KRR1: variants seen among roughly 807,000 people sequenced by gnomAD.
KRR1 encodes KRR1 small subunit processome component.
Under a neutral mutation model 50.0 loss-of-function variants are expected in KRR1, and 23 were observed. That is an observed-to-expected ratio of 0.46 (90% CI 0.33 to 0.65). The LOEUF is 0.65. Among genes scored for constraint, KRR1 ranks in the 30% least tolerant of loss-of-function variants. The pLI is 0.02. For synonymous variants in KRR1, 133 were observed against 146.3 expected, an observed-to-expected ratio of 0.91 and a Z score of 0.66; for missense variants, 419 against 442.4, an observed-to-expected ratio of 0.95 and a Z score of 0.47.
At position 75,499,546 on chromosome 12, in the gene KRR1, A is replaced by T. The variant is rs2046375626; in HGVS notation, c.*263T>A. On this transcript the variant is annotated 3_prime_UTR_variant, in exon 10 of 10. Transcript: ENST00000229214. ...ATCAAATGCTGGGACATCATTACTA[A>T]CCAATAGCATCAGACACTGGATTTA... 4.7e-6 allele frequency: 1 copy of T among 214,458 alleles called. No individual in the cohort carries two copies. Among genetic ancestry groups the T allele is most frequent in the African/African-American group, 2.3e-5 (1 of 43,466 alleles). The allele number at this position is 214,458 out of a possible 1,614,324, so 13.3% of individuals were successfully genotyped here.
rs753248715 is a variant in KRR1, at chr12:75,501,966, A to C, written c.866T>G (p.Leu289Trp). Residue 289 changes from leucine (L) to tryptophan (W), a missense_variant, in exon 8 of 10, where the codon TTG (leucine) becomes TGG (tryptophan). Leu to Trp is a moderately conservative substitution (Grantham distance 61, BLOSUM62 -2). Coordinates refer to ENST00000229214, the MANE Select transcript of KRR1 (RefSeq NM_007043.7). ...DKELASGEYF[L>W]KANQKKRQKM... Reference sequence around the variant, plus strand: ...CTGCCGCTTCTTCTGATTTGCCTTCAAAAAGTATTCACCACTAGCCAATTC... The same window carrying C: ...CTGCCGCTTCTTCTGATTTGCCTTCCAAAAGTATTCACCACTAGCCAATTC... 1.2e-6 allele frequency: 2 copies of C among 1,612,408 alleles called. No homozygotes were observed. The highest frequency in any genetic ancestry group is 2.2e-5 in the South Asian group (2 of 91,028).
In KRR1 at chr12:75,493,063, C is replaced by T. The variant is rs1218381254; in HGVS notation, c.*6746G>A. ...AGAAAAGTTTGGCAAGTTTAAACCA[C>T]AGAGACTGGTGCCCTCGGTCTGCTA... On this transcript the variant is annotated 3_prime_UTR_variant, in exon 10 of 10. Coordinates refer to ENST00000229214, the MANE Select transcript of KRR1 (RefSeq NM_007043.7). 1 of 152,188 alleles carries T rather than the reference C, an allele frequency of 6.6e-6. No homozygotes were observed. 9.4% of individuals were successfully genotyped at this position (152,188 alleles called of 1,614,324 possible). A position where few individuals can be genotyped will look rare whatever the true frequency, so the allele number is the denominator to read the frequency against.
chr12:75,498,883 C>A lies in KRR1; in HGVS notation c.*926G>T. 6.2e-7 allele frequency: 1 copy of A among 1,610,532 alleles called. No individual in the cohort carries two copies. Among genetic ancestry groups the A allele is most frequent in the Non-Finnish European group, 8.5e-7 (1 of 1,177,032 alleles). ...ATATCCACGTAACAGATACACTTCT[C>A]TCTTTCTCATTGTTAATTCAGTAAT... On this transcript the variant is annotated 3_prime_UTR_variant, in exon 10 of 10. Coordinates refer to ENST00000229214, the MANE Select transcript of KRR1 (RefSeq NM_007043.7).
chr12:75,510,492 A>T (rs1427216101), intron 1 of KRR1, among the ~76,000 whole-genome samples: 1 of 152,236 alleles, frequency 6.6e-6, no homozygotes, highest in Non-Finnish European at 1.5e-5. Context: ...CTGTTTGAAA[A>T]ACAAAAAGCT....
chr12:75,503,908 C>A lies in KRR1; in HGVS notation c.827G>T (p.Ser276Ile), dbSNP rs1185504419. The A allele has an allele frequency of 6.2e-7, 1 of 1,605,754 alleles. No individual in the cohort carries two copies. Among genetic ancestry groups the A allele is most frequent in the African/African-American group, 1.3e-5 (1 of 74,454 alleles). Residue 276 changes from serine to isoleucine, a missense_variant, in exon 7 of 10, where the codon AGT becomes ATT. Ser to Ile is a moderately radical substitution (Grantham distance 142). Transcript: ENST00000229214. ...AGTTCTACATTTAGTACTAACCTGA[C>A]TTTCTGGTTGTGGTGGTGGGAATGG... ...YTPFPPPQPESQIDKELASGE... is the reference protein window; with the variant it reads ...YTPFPPPQPEIQIDKELASGE...
rs529442853 is a variant in KRR1, at chr12:75,496,260, C to G, written c.*3549G>C. On this transcript the variant is annotated 3_prime_UTR_variant, in exon 10 of 10. Coordinates refer to ENST00000229214, the MANE Select transcript of KRR1 (RefSeq NM_007043.7). Reference sequence around the variant, plus strand: ...ACCCCAGCTACTCAGGAGGCTGAGGCAGGACAATCACTTGAGCCCAGGAGG... The same window carrying G: ...ACCCCAGCTACTCAGGAGGCTGAGGGAGGACAATCACTTGAGCCCAGGAGG... The G allele has an allele frequency of 6.6e-6, 1 of 152,140 alleles. No homozygotes were observed. The highest frequency in any genetic ancestry group is 2.0e-4 in the East Asian group (1 of 5,112). 9.4% of individuals were successfully genotyped at this position (152,140 alleles called of 1,614,324 possible). A position where few individuals can be genotyped will look rare whatever the true frequency, so the allele number is the denominator to read the frequency against.
At chr12:75,501,628 A>AAAGAT in intron 9 of KRR1, 95 bp downstream of exon 9, 1 of 780,806 alleles carries the variant, frequency 1.3e-6, no homozygotes. Flanking sequence ...GAACTGATGA[A>AAAGAT]AAGATACAAC....
At chr12:75,501,558 A>C (rs1594066499) in intron 9 of KRR1, 165 bp downstream of exon 9, 1 of 585,590 alleles carries the variant, frequency 1.7e-6, no homozygotes, top group East Asian at 2.9e-5. Flanking sequence ...CTGCCTCTAA[A>C]TTATAAATTA....
At chr12:75,505,770 T>C (rs2046419117) in intron 5 of KRR1, among the ~76,000 whole-genome samples, 1 of 152,058 alleles carries the variant, frequency 6.6e-6, no homozygotes, top group Non-Finnish European at 1.5e-5. Context: ...ACAGTAATAG[T>C]ACCAAAAGGA....
Position 75,498,701 on chromosome 12 carries a change from A to T in KRR1, c.*1108T>A, listed in dbSNP as rs144968885. On this transcript the variant is annotated 3_prime_UTR_variant, in exon 10 of 10. Coordinates refer to ENST00000229214, the MANE Select transcript of KRR1 (RefSeq NM_007043.7). ...TTCCCCCTAACTTTACAGTTAACCG[A>T]CAGCGAGACCAAGTCAAACGTACGT... 7,585 of 1,612,690 alleles carry T rather than the reference A, an allele frequency of 4.7e-3. 25 individuals are homozygous for T. The highest frequency in any genetic ancestry group is 5.8e-3 in the Non-Finnish European group (6,788 of 1,178,896).
rs1171338935 is a variant in KRR1, at chr12:75,496,026, CAG to C, written c.*3781_*3782del. 6 of 136,960 alleles carry C rather than the reference CAG, an allele frequency of 4.4e-5. No individual in the cohort carries two copies. The highest frequency in any genetic ancestry group is 1.6e-4 in the South Asian group (1 of 6,334). The allele number at this position is 136,960 out of a possible 1,614,324, so 8.5% of individuals were successfully genotyped here. On this transcript the variant is annotated 3_prime_UTR_variant, in exon 10 of 10. Coordinates refer to ENST00000229214, the MANE Select transcript of KRR1 (RefSeq NM_007043.7). ...TTTTTTTTGTTTTTTTTTTTTGAGA[CAG>C]AGTCTTGCTCTGTCACCCATGCTAG...
At position 75,499,406 on chromosome 12, in the gene KRR1, C is replaced by G. The variant is rs538747415; in HGVS notation, c.*403G>C. On this transcript the variant is annotated 3_prime_UTR_variant, in exon 10 of 10. Transcript: ENST00000229214. ...CCCCAGATTCAGAACAGAGGAGTAACTAGGGGATCTGATTTTAGAGGCCTT... is the reference window on the plus strand; with the variant it reads ...CCCCAGATTCAGAACAGAGGAGTAAGTAGGGGATCTGATTTTAGAGGCCTT... 1.2e-5 allele frequency: 2 copies of G among 160,178 alleles called. No homozygotes were observed. Among genetic ancestry groups the G allele is most frequent in the South Asian group, 2.0e-4 (1 of 5,074 alleles). 9.9% of individuals were successfully genotyped at this position (160,178 alleles called of 1,614,324 possible).
At chr12:75,504,696 T>G (rs1328286486) in intron 6 of KRR1, among the ~76,000 whole-genome samples, 2 of 152,094 alleles carry the variant, frequency 1.3e-5, no homozygotes, top group African/African-American at 4.8e-5. Context: ...TAGTTCTATA[T>G]ACCATGGTTA....
At chr12:75,506,217 A>T (rs972485664) in intron 5 of KRR1, 99 bp downstream of exon 5, 1 of 698,338 alleles carries the variant, frequency 1.4e-6, no homozygotes, top group South Asian at 2.1e-5. Context: ...AGCACATTCT[A>T]AAGAAATAAA....
At chr12:75,510,428 A>G (rs570638842) in intron 1 of KRR1, among the ~76,000 whole-genome samples, 1 of 152,358 alleles carries the variant, frequency 6.6e-6, no homozygotes, top group South Asian at 2.1e-4. Flanking sequence ...ATATTCATAC[A>G]AGGAAACACC....
chr12:75,493,023 G>A lies in KRR1; in HGVS notation c.*6786C>T, dbSNP rs1173758806. 6.6e-6 allele frequency: 1 copy of A among 152,182 alleles called. No homozygotes were observed. Among genetic ancestry groups the A allele is most frequent in the Non-Finnish European group, 1.5e-5 (1 of 68,030 alleles). 9.4% of individuals were successfully genotyped at this position (152,182 alleles called of 1,614,324 possible). A position where few individuals can be genotyped will look rare whatever the true frequency, so the allele number is the denominator to read the frequency against. The stretch of plus-strand genomic sequence containing the variant: ...CAGCTGTCTAGTGGAGAAAAGAACA[G>A]CAAAACTTCCGTGAAGAAAAGTTTG... On this transcript the variant is annotated 3_prime_UTR_variant, in exon 10 of 10. Coordinates refer to ENST00000229214, the MANE Select transcript of KRR1 (RefSeq NM_007043.7).
chr12:75,504,624 A>C (rs1237565425), intron 6 of KRR1, among the ~76,000 whole-genome samples: 4 of 152,030 alleles, frequency 2.6e-5, no homozygotes, highest in Admixed American at 6.6e-5. Flanking sequence ...CCAATCTAAC[A>C]GTGACTTTAT....
chr12:75,501,752 T>G lies in KRR1; in HGVS notation c.974A>C (p.Lys325Thr). The G allele has an allele frequency of 6.2e-7, 1 of 1,610,756 alleles. No individual in the cohort carries two copies. Among genetic ancestry groups the G allele is most frequent in the Non-Finnish European group, 8.5e-7 (1 of 1,178,008 alleles). The change falls in exon 9 of 10, where the codon AAG becomes ACG. Residue 325 changes from lysine (K) to threonine (T), a missense_variant. By Grantham distance (78) the Lys-to-Thr change is moderately conservative (BLOSUM62 -1). Transcript: ENST00000229214. ...CTTAGGTTTCACAATTGGTTTTTCC[T>G]TAGGTGGAATAAATGCTTTGTTTCT... ...EERNKAFIPP[K>T]EKPIVKPKEA... is the part of the protein sequence containing the mutation.
chr12:75,504,082 C>G lies in KRR1; in HGVS notation c.661-8G>C, dbSNP rs1005257012. ...TCTCTTAATCATTAAGCTCTTTAGT[C>G]ATGCAACAAAGTAAAAATTTTTACT... On this transcript the variant is annotated splice_polypyrimidine_tract_variant and splice_region_variant and intron_variant, in intron 6 of 9. Coordinates refer to ENST00000229214, the MANE Select transcript of KRR1 (RefSeq NM_007043.7). 3 of 1,579,808 alleles carry G rather than the reference C, an allele frequency of 1.9e-6. No individual in the cohort carries two copies. The African/African-American group carries it at 4.1e-5, about 22-fold the overall frequency.
Sources: allele counts gnomAD v4.1 joint callset (sites outside exome capture counted in the v4.1 genomes callset), GRCh38; gene constraint gnomAD v4.1.1; transcripts MANE v1.5; gene names NCBI Gene and HGNC (gene_info 2026-07-23, HGNC 2026-07-21).